MME: variants seen among roughly 807,000 people sequenced by gnomAD.
MME encodes the protein neprilysin.
Under a neutral mutation model 113.2 loss-of-function variants are expected in MME, and 98 were observed. The ratio of observed to expected loss-of-function variants is 0.87; its 90% confidence interval spans 0.74 to 1.02. The LOEUF is 1.02. MME is among the 50% of genes least tolerant of loss of function. The pLI is 0.00. For missense variants in MME, 836 were observed against 896.0 expected, an observed-to-expected ratio of 0.93 and a Z score of 0.86; for synonymous variants, 292 against 300.6, an observed-to-expected ratio of 0.97 and a Z score of 0.30.
chr3:155,172,167 A>G lies in MME; in HGVS notation c.2031A>G (p.Gly677=). The G allele has an allele frequency of 6.2e-7, 1 of 1,612,172 alleles. No homozygotes were observed. The highest frequency in any genetic ancestry group is 8.5e-7 in the Non-Finnish European group (1 of 1,178,476). ...ATGGCGAAGAAAAATTACTTCCTGG[A>G]CTTGACCTAAATCACAAACAACTAT... is the stretch of plus-strand genomic sequence containing the variant. The part of the protein sequence containing the change: ...KKNGEEKLLP[G]LDLNHKQLFF... Residue 677 remains glycine, a synonymous_variant, in exon 21 of 23, where the codon GGA becomes GGG. Coordinates refer to ENST00000360490, the MANE Select transcript of MME (RefSeq NM_007289.4).
chr3:155,092,020 A>T (rs896631260), intron 3 of MME, among the ~76,000 whole-genome samples: 2 of 152,204 alleles, frequency 1.3e-5, no homozygotes, highest in African/African-American at 2.4e-5. Flanking sequence ...TGGAGTTCTG[A>T]TGTCTAAGAA....
At chr3:155,048,617 C>T (rs1241618390) in intron 1 of MME, among the ~76,000 whole-genome samples, 6 of 152,106 alleles carry the variant, frequency 3.9e-5, no homozygotes, top group Non-Finnish European at 7.4e-5. Flanking sequence ...ACCTGCATAC[C>T]GTTTTTTTAC....
intron 3 of MME, among the ~76,000 whole-genome samples, chr3:155,101,831 C>T (rs1473617340): frequency 6.6e-6 from 1 of 152,116 alleles, no homozygotes; most frequent in Non-Finnish European, 1.5e-5. Flanking sequence ...TTCAGTCTCA[C>T]TGGGCTAGTC....
rs1428513613 is a variant in MME, at chr3:155,138,129, A to G, written c.748A>G (p.Ile250Val). 1.9e-6 allele frequency: 3 copies of G among 1,613,648 alleles called. No individual in the cohort carries two copies. In the Admixed American group the frequency reaches 5.0e-5, roughly 27 times the overall value. Residue 250 changes from isoleucine to valine, a missense_variant, in exon 9 of 23, where the codon ATT (isoleucine) becomes GTT (valine). Physicochemically the swap from Ile to Val is conservative, Grantham distance 29. Coordinates refer to ENST00000360490, the MANE Select transcript of MME (RefSeq NM_007289.4). ...EACTAYVDFM[I>V]SVARLIRQEE... ...TTGTACAGCATATGTGGATTTTATG[A>G]TTTCTGTGGCCAGATTGATTCGTCA...
rs1713071909 is a variant in MME, at chr3:155,181,360, T to C, written c.*901T>C. ...AGACTATTTAAACTTATAAATCATA[T>C]TGATGAAAAGATTTAAGCACAAACT... On this transcript the variant is annotated 3_prime_UTR_variant, in exon 23 of 23. Transcript: ENST00000360490. 6.6e-6 allele frequency: 1 copy of C among 152,084 alleles called. No individual in the cohort carries two copies. Among genetic ancestry groups the C allele is most frequent in the African/African-American group, 2.4e-5 (1 of 41,434 alleles). 9.4% of individuals were successfully genotyped at this position (152,084 alleles called of 1,614,324 possible). A position where few individuals can be genotyped will look rare whatever the true frequency, so the allele number is the denominator to read the frequency against.
intron 16 of MME, among the ~76,000 whole-genome samples, chr3:155,153,991 T>G (rs1472214838): frequency 3.3e-5 from 5 of 152,318 alleles, no homozygotes; most frequent in African/African-American, 1.2e-4. Flanking sequence ...CAGCACTTTT[T>G]TCAAACCACA....
chr3:155,052,175 C>T (rs112512127), intron 1 of MME, among the ~76,000 whole-genome samples: 6,632 of 152,250 alleles, frequency 0.044, 159 homozygotes, highest in African/African-American at 0.053. Context: ...GGTACAGTCC[C>T]GCATCCTGGC....
rs199933391 is a variant in MME at position 155,180,376 on chromosome 3, C to T, written c.2170C>T (p.Gln724Ter). Residue 724 changes from glutamine to a stop codon, truncating the protein, a stop_gained, in exon 23 of 23, where the codon CAG becomes TAG. Transcript: ENST00000360490. LOFTEE classifies it high-confidence loss of function. ...PGNFRIIGTL[Q>*]NSAEFSEAFH... is the part of the protein sequence containing the mutation. ...GTTTCAAAGGATTATTGGGACTTTGCAGAACTCTGCAGAGTTTTCAGAAGC... is the reference window on the plus strand; with the variant it reads ...GTTTCAAAGGATTATTGGGACTTTGTAGAACTCTGCAGAGTTTTCAGAAGC... 2 of 1,613,332 alleles carry T rather than the reference C, an allele frequency of 1.2e-6. No homozygotes were observed. The highest frequency in any genetic ancestry group is 2.2e-5 in the South Asian group (2 of 91,078).
At position 155,155,419 on chromosome 3, in the gene MME, C is replaced by T. The variant is rs569651729; in HGVS notation, c.1602-4971C>T. 3.1e-4 allele frequency among the ~76,000 whole-genome samples: 47 copies of T among 152,274 alleles called. 1 individual carries two copies. The highest frequency in any genetic ancestry group is 9.4e-4 in the African/African-American group (39 of 41,556). On this transcript the variant is annotated intron_variant, in intron 16 of 22. Coordinates refer to ENST00000360490, the MANE Select transcript of MME (RefSeq NM_007289.4). ...TGCACAGTTTCTGACAGCCACCACT[C>T]TCTATGACGTGCATAGCAATGGTGC...
chr3:155,063,668 A>ATATATTATATTATAT (rs59175839), intron 1 of MME, among the ~76,000 whole-genome samples: 2,280 of 111,350 alleles, frequency 0.02, 33 homozygotes, highest in Non-Finnish European at 0.025. Flanking sequence ...ATAACATATT[A>ATATATTATATTATAT]TATATTATAT....
Position 155,162,713 on chromosome 3 carries a change from G to T in MME, c.1660+2265G>T, listed in dbSNP as rs1011635820. On this transcript the variant is annotated intron_variant, in intron 17 of 22. Coordinates refer to ENST00000360490, the MANE Select transcript of MME (RefSeq NM_007289.4). ...GAGTCAAATCTCCATCTTTTTTCTT[G>T]ATAGGAATGTTTATGTGGGCTGGGT... 1.3e-4 allele frequency among the ~76,000 whole-genome samples: 20 copies of T among 151,650 alleles called. 1 individual carries two copies. The highest frequency in any genetic ancestry group is 1.2e-3 in the Admixed American group (18 of 15,220).
At chr3:155,090,088 G>A (rs17442808) in intron 3 of MME, 35,755 of 212,622 alleles carry the variant, frequency 0.17, 4,060 homozygotes, top group Non-Finnish European at 0.25. Context: ...ACAAGAGAAA[G>A]TGGGACCACC....
chr3:155,126,331 T>C (rs1473352895), intron 8 of MME, among the ~76,000 whole-genome samples: 1 of 146,508 alleles, frequency 6.8e-6, no homozygotes, highest in Non-Finnish European at 1.5e-5. Flanking sequence ...AATCCTATGA[T>C]ACATATTTTT....
chr3:155,138,010 C>CA, intron 8 of MME, 92 bp from the exon 9 acceptor site: 2 of 1,441,862 alleles, frequency 1.4e-6, no homozygotes, highest in Non-Finnish European at 1.9e-6. Context: ...TATCTATTAC[C>CA]AAAAATTAAT....
At chr3:155,117,333 T>C (rs562467841) in intron 7 of MME, among the ~76,000 whole-genome samples, 7 of 152,164 alleles carry the variant, frequency 4.6e-5, no homozygotes, top group Non-Finnish European at 1.0e-4. Flanking sequence ...ATAGAAGTAA[T>C]GCAGGTCTAG....
At chr3:155,134,823 G>A (rs1383147662) in intron 8 of MME, among the ~76,000 whole-genome samples, 1 of 152,098 alleles carries the variant, frequency 6.6e-6, no homozygotes, top group Non-Finnish European at 1.5e-5. Context: ...TTTGATAATA[G>A]CCATTCCAAC....
chr3:155,139,951 C>T (rs1190269339), intron 9 of MME, among the ~76,000 whole-genome samples: 1 of 152,068 alleles, frequency 6.6e-6, no homozygotes, highest in Non-Finnish European at 1.5e-5. Context: ...AAAATATAGA[C>T]AGATTTTTTA....
Position 155,084,154 on chromosome 3 carries a change from G to A in MME, c.-10-4G>A, listed in dbSNP as rs1206986490. Reference sequence around the variant, plus strand: ...TTCATTATTAGTATTTTCATTTTTTGCAGATTTTAGGTGATGGGCAAGTCA... The same window carrying A: ...TTCATTATTAGTATTTTCATTTTTTACAGATTTTAGGTGATGGGCAAGTCA... On this transcript the variant is annotated splice_region_variant and splice_polypyrimidine_tract_variant and intron_variant, in intron 1 of 22. Transcript: ENST00000360490. 1 of 1,607,940 alleles carries A rather than the reference G, an allele frequency of 6.2e-7. No homozygotes were observed. The highest frequency in any genetic ancestry group is 1.3e-5 in the African/African-American group (1 of 74,664).
intron 18 of MME, among the ~76,000 whole-genome samples, chr3:155,167,449 T>C (rs1213255778): frequency 6.6e-6 from 1 of 152,082 alleles, no homozygotes; most frequent in Admixed American, 6.5e-5. Context: ...AGACCTTTTT[T>C]TTTTCGTCTT....
Sources: gnomAD v4.1 joint callset for allele counts (sites outside exome capture counted in the v4.1 genomes callset) on GRCh38, gnomAD v4.1.1 for gene constraint, MANE v1.5 for transcripts, NCBI Gene and HGNC (gene_info 2026-07-23, HGNC 2026-07-21) for gene names.